PRG4: variants seen among roughly 807,000 people sequenced by gnomAD.
The protein encoded by PRG4 is proteoglycan 4.
In PRG4, 61 loss-of-function variants were observed where a neutral mutation model predicts 91.2. The observed-to-expected ratio is 0.67, with a 90% CI of 0.54 to 0.83. The LOEUF (loss-of-function observed/expected upper bound fraction) is 0.83, where lower values mean the gene tolerates loss of function less well. Among genes scored for constraint, PRG4 ranks in the 40% least tolerant of loss-of-function variants. The probability of loss-of-function intolerance (pLI) is 0.00; values close to 1 mark genes in which losing one functional copy is unlikely to be tolerated. For synonymous variants in PRG4, 576 were observed against 614.2 expected, an observed-to-expected ratio of 0.94 and a Z score of 0.92; for missense variants, 1,564 against 1,714.2, an observed-to-expected ratio of 0.91 and a Z score of 1.55.
chr1:186,301,779 T>C, intron 4 of PRG4, 68 bp downstream of exon 4: 6 of 1,544,634 alleles, frequency 3.9e-6, no homozygotes, highest in Non-Finnish European at 5.4e-6. Flanking sequence ...TTAGCATCAC[T>C]GATAATGTCT....
In PRG4 at chr1:186,308,535, A is replaced by G. The variant is rs751196179; in HGVS notation, c.2816A>G (p.Lys939Arg). Residue 939 changes from lysine to arginine, a missense_variant, in exon 7 of 13, where the codon AAA becomes AGA. Transcript: ENST00000445192. ...ACAACTGCTGCACCTAAGATGACAA[A>G]AGAGACAGCAACTACAACAGAAAAA... Reference protein sequence around the residue: ...ETTTAAPKMTKETATTTEKTT... With the variant: ...ETTTAAPKMTRETATTTEKTT... The G allele has an allele frequency of 1.2e-6, 2 of 1,613,648 alleles. No individual in the cohort carries two copies. Among genetic ancestry groups the G allele is most frequent in the East Asian group, 2.2e-5 (1 of 44,890 alleles).
chr1:186,311,190 G>A lies in PRG4; in HGVS notation c.3636+20G>A. 14 of 1,599,076 alleles carry A rather than the reference G, an allele frequency of 8.8e-6. No homozygotes were observed. The highest frequency in any genetic ancestry group is 1.1e-5 in the South Asian group (1 of 90,732). On this transcript the variant is annotated intron_variant, in intron 9 of 12. Coordinates refer to ENST00000445192, the MANE Select transcript of PRG4 (RefSeq NM_005807.6). Reference sequence around the variant, plus strand: ...TTTAAGGTAACACAAATATCTTTGTGAGAGAAATTTAATAATAATTTGTAA... The same window carrying A: ...TTTAAGGTAACACAAATATCTTTGTAAGAGAAATTTAATAATAATTTGTAA...
At chr1:186,299,393 G>A (rs1656056612) in intron 2 of PRG4, among the ~76,000 whole-genome samples, 1 of 152,204 alleles carries the variant, frequency 6.6e-6, no homozygotes, top group African/African-American at 2.4e-5. Context: ...CAACCAGCGT[G>A]CTTTAAACTT....
rs1378431856 is a variant in PRG4, at chr1:186,312,753, A to T, written c.3992-16A>T. ...CCTTTTAATCTGGTATCTTTTATTA[A>T]ACATGCCACTTACAGGTGTCCTTCA... On this transcript the variant is annotated splice_polypyrimidine_tract_variant and intron_variant, in intron 11 of 12. Transcript: ENST00000445192. The T allele has an allele frequency of 7.4e-6, 12 of 1,611,622 alleles. No homozygotes were observed. Among genetic ancestry groups the T allele is most frequent in the Non-Finnish European group, 1.0e-5 (12 of 1,177,938 alleles).
At position 186,310,134 on chromosome 1, in the gene PRG4, T is replaced by TG. The variant is rs1557962950; in HGVS notation, c.3499+264_3499+265insG. ...AGATTTAAAAAGTAGTTCATTTTTT[T>TG]TGGGGGGGGGGGGTAGTTAAAATTT... On this transcript the variant is annotated intron_variant, in intron 8 of 12. Transcript: ENST00000445192. Among the ~76,000 whole-genome samples, 228 of 64,714 alleles carry TG rather than the reference T, an allele frequency of 3.5e-3. 2 individuals carry two copies. In the East Asian group the frequency reaches 0.064, roughly 18 times the overall value. 42.5% of individuals were successfully genotyped at this position (64,714 alleles called of 152,430 possible).
Position 186,312,329 on chromosome 1 carries a change from C to T in PRG4, c.3948C>T (p.Ile1316=), listed in dbSNP as rs751716097. ...RAIGPSQTHT[I]RIQYSPARLA... is the part of the protein sequence containing the mutation. ...TAGGACCTTCTCAAACACACACCAT[C>T]AGAATTCAATATTCACCTGCCAGAC... The change falls in exon 11 of 13, where the codon ATC becomes ATT. Residue 1316 remains isoleucine, a synonymous_variant. Coordinates refer to ENST00000445192, the MANE Select transcript of PRG4 (RefSeq NM_005807.6). 2.5e-6 allele frequency: 4 copies of T among 1,610,258 alleles called. No homozygotes were observed. Among genetic ancestry groups the T allele is most frequent in the African/African-American group, 1.3e-5 (1 of 74,698 alleles).
chr1:186,311,294 C>T lies in PRG4; in HGVS notation c.3636+124C>T. On this transcript the variant is annotated intron_variant, in intron 9 of 12. Transcript: ENST00000445192. ...AAATACTCTGTCATCAAAATTTAAT[C>T]ATAATTCAACAGTTTGATAACAGTA... The T allele has an allele frequency of 2.1e-6, 3 of 1,411,802 alleles. No homozygotes were observed. The South Asian group carries it at 3.6e-5, about 17-fold the overall frequency. 87.5% of individuals were successfully genotyped at this position (1,411,802 alleles called of 1,614,324 possible). A position where few individuals can be genotyped will look rare whatever the true frequency, so the allele number is the denominator to read the frequency against.
Position 186,309,851 on chromosome 1 carries a change from G to A in PRG4, c.3480G>A (p.Gly1160=). ...ATGGACTGACTACTTTGCGCAATGGGACATTAGTTGCATTCCGAGGTGAGC... is the reference window on the plus strand; with the variant it reads ...ATGGACTGACTACTTTGCGCAATGGAACATTAGTTGCATTCCGAGGTGAGC... ...PVDGLTTLRN[G]TLVAFRGHYF... Residue 1160 remains glycine, a synonymous_variant, in exon 8 of 13, where the codon GGG becomes GGA. Transcript: ENST00000445192. 3 of 1,613,394 alleles carry A rather than the reference G, an allele frequency of 1.9e-6. No individual in the cohort carries two copies. The highest frequency in any genetic ancestry group is 2.5e-6 in the Non-Finnish European group (3 of 1,179,480).
chr1:186,310,883 G>T, intron 8 of PRG4, 151 bp from the exon 9 acceptor site: 1 of 827,768 alleles, frequency 1.2e-6, no homozygotes, highest in Non-Finnish European at 1.9e-6. Context: ...GGAAATACCT[G>T]CTCTCAGAAA....
intron 2 of PRG4, 37 bp downstream of exon 2, chr1:186,296,988 T>C: frequency 2.0e-6 from 3 of 1,516,484 alleles, no homozygotes; most frequent in African/African-American, 1.4e-5. Flanking sequence ...ATTTAACAAC[T>C]ATTGCTAATC....
intron 4 of PRG4, among the ~76,000 whole-genome samples, chr1:186,302,382 CCA>C (rs1656280845): frequency 6.6e-6 from 1 of 152,086 alleles, no homozygotes; most frequent in Non-Finnish European, 1.5e-5. Flanking sequence ...ACAAAAGGCT[CCA>C]GATTTTACAG....
At chr1:186,301,800 C>A in intron 4 of PRG4, 89 bp downstream of exon 4, 1 of 1,479,080 alleles carries the variant, frequency 6.8e-7, no homozygotes, top group Non-Finnish European at 9.4e-7. Flanking sequence ...AACACGCAGT[C>A]CATCTTAGGC....
intron 5 of PRG4, 106 bp from the exon 6 acceptor site, chr1:186,304,688 G>C: frequency 1.4e-6 from 2 of 1,405,008 alleles, no homozygotes; most frequent in East Asian, 4.6e-5. Context: ...GCAAAATCCA[G>C]ATACTTGTAG....
At chr1:186,312,044 T>C (rs2102038273) in intron 10 of PRG4, 131 bp from the exon 11 acceptor site, 2 of 706,566 alleles carry the variant, frequency 2.8e-6, no homozygotes, top group Non-Finnish European at 4.7e-6. Flanking sequence ...ATAGCCATTA[T>C]TAATATCAAT....
intron 6 of PRG4, among the ~76,000 whole-genome samples, chr1:186,305,770 CCTT>C (rs68126399): frequency 0.045 from 6,878 of 152,220 alleles, 504 homozygotes; most frequent in African/African-American, 0.16. Flanking sequence ...CTAAGCTCCT[CCTT>C]ATGTCCCCTG....
rs1656805021 is a variant in PRG4 at position 186,307,653 on chromosome 1, C to T, written c.1934C>T (p.Pro645Leu). Reference sequence around the variant, plus strand: ...CCTGAGAAGCCCGCACCCACCACCCCTGAGGAGCTCGCACCCACCACCCCT... The same window carrying T: ...CCTGAGAAGCCCGCACCCACCACCCTTGAGGAGCTCGCACCCACCACCCCT... ...TTPEKPAPTTPEELAPTTPEE... is the reference protein window; with the variant it reads ...TTPEKPAPTTLEELAPTTPEE... The change falls in exon 7 of 13, where the codon CCT becomes CTT. Residue 645 changes from proline to leucine, a missense_variant. By Grantham distance (98) the Pro-to-Leu change is moderately conservative. This residue lies in a region of PRG4 where 1,079 missense variants were observed against 1,162.2 expected (regional missense o/e 0.93). Transcript: ENST00000445192. 1.9e-6 allele frequency: 3 copies of T among 1,604,080 alleles called. No homozygotes were observed.
In PRG4 at chr1:186,314,266, T is replaced by G; in HGVS notation, c.*488T>G. On this transcript the variant is annotated 3_prime_UTR_variant, in exon 13 of 13. Coordinates refer to ENST00000445192, the MANE Select transcript of PRG4 (RefSeq NM_005807.6). ...ATTAAAATTTTACACTTTTACTAGC[T>G]AAAACATAATCACAAAGCTTTATCG... 2.2e-6 allele frequency: 1 copy of G among 459,564 alleles called. No individual in the cohort carries two copies. The highest frequency in any genetic ancestry group is 3.8e-6 in the Non-Finnish European group (1 of 262,172). The allele number at this position is 459,564 out of a possible 1,614,324, so 28.5% of individuals were successfully genotyped here.
Position 186,311,575 on chromosome 1 carries a change from T to C in PRG4, c.3772T>C (p.Ser1258Pro), listed in dbSNP as rs759379313. ...STAKYKNWPESVYFFKRGGSI... is the reference protein window; with the variant it reads ...STAKYKNWPEPVYFFKRGGSI... ...AGCTAAATATAAGAACTGGCCTGAA[T>C]CTGTGTATTTTTTCAAGAGAGGTAT... The change falls in exon 10 of 13, where the codon TCT (serine) becomes CCT (proline). Residue 1258 changes from serine to proline, a missense_variant. Physicochemically the swap from Ser to Pro is moderately conservative, Grantham distance 74. Transcript: ENST00000445192. 5.0e-6 allele frequency: 8 copies of C among 1,613,914 alleles called. No homozygotes were observed. Among genetic ancestry groups the C allele is most frequent in the Non-Finnish European group, 1.7e-6 (2 of 1,179,950 alleles).
chr1:186,300,988 A>T (rs980135789), intron 3 of PRG4, among the ~76,000 whole-genome samples: 6 of 152,194 alleles, frequency 3.9e-5, no homozygotes, highest in Non-Finnish European at 7.3e-5. Flanking sequence ...AACTCTAACA[A>T]AGGCTTTTTA....
Sources: allele counts gnomAD v4.1 joint callset (sites outside exome capture counted in the v4.1 genomes callset), GRCh38; gene constraint gnomAD v4.1.1; regional missense constraint gnomAD v4.1.1; transcripts MANE v1.5; gene names NCBI Gene and HGNC (gene_info 2026-07-23, HGNC 2026-07-21).